Variants in ARID4B observed in about 807,000 individuals in gnomAD.
ARID4B encodes the protein AT-rich interactive domain-containing protein 4B.
A neutral mutation model predicts 147.5 loss-of-function variants in ARID4B; 26 were observed. The observed-to-expected ratio is 0.18, with a 90% CI of 0.13 to 0.24. The LOEUF (loss-of-function observed/expected upper bound fraction) is 0.24. Among genes scored for constraint, ARID4B ranks in the 10% least tolerant of loss-of-function variants. ARID4B has a pLI of 1.00. For synonymous variants in ARID4B, 512 were observed against 507.9 expected (o/e 1.01, Z -0.11); for missense variants, 1,179 against 1,511.5 (o/e 0.78, Z 3.65).
At position 235,260,672 on chromosome 1, in the gene ARID4B, G is replaced by A; in HGVS notation, c.87C>T (p.Ile29=). Residue 29 remains isoleucine, a synonymous_variant, in exon 3 of 24, where the codon ATC becomes ATT. Coordinates refer to ENST00000264183, the MANE Select transcript of ARID4B (RefSeq NM_016374.6). The stretch of plus-strand genomic sequence containing the variant: ...CTTTGACAAGTCTTTTTGCTGTCTT[G>A]ATCTTGGCTTCACAAAAGGCTCCTC... The part of the protein sequence containing the change: ...KYRGAFCEAK[I]KTAKRLVKVK... 1.2e-6 allele frequency: 2 copies of A among 1,611,304 alleles called. No individual in the cohort carries two copies. Among genetic ancestry groups the A allele is most frequent in the Non-Finnish European group, 1.7e-6 (2 of 1,178,986 alleles).
At chr1:235,310,230 T>C (rs910747772) in intron 2 of ARID4B, among the ~76,000 whole-genome samples, 4 of 148,198 alleles carry the variant, frequency 2.7e-5, no homozygotes, top group African/African-American at 1.0e-4. Context: ...TTTCATACCA[T>C]GATACAAGTA....
chr1:235,225,367 C>T (rs1275437884), intron 11 of ARID4B, among the ~76,000 whole-genome samples: 1 of 152,154 alleles, frequency 6.6e-6, no homozygotes, highest in African/African-American at 2.4e-5. Flanking sequence ...TAAAATAGTT[C>T]CCCAATTTAT....
intron 2 of ARID4B, among the ~76,000 whole-genome samples, chr1:235,321,905 C>A (rs531539070): frequency 6.6e-6 from 1 of 151,984 alleles, no homozygotes; most frequent in South Asian, 2.1e-4. Context: ...CCTGGAATTT[C>A]CATCCTTACA....
At chr1:235,209,233 CG>C (rs927081029) in intron 17 of ARID4B, among the ~76,000 whole-genome samples, 5 of 152,074 alleles carry the variant, frequency 3.3e-5, no homozygotes, top group African/African-American at 1.2e-4. Context: ...CCACCACTTA[CG>C]GGGGCAGAGG....
At chr1:235,205,876 G>A (rs1037089595) in intron 17 of ARID4B, among the ~76,000 whole-genome samples, 1 of 152,180 alleles carries the variant, frequency 6.6e-6, no homozygotes, top group Admixed American at 6.5e-5. Context: ...TGACAAGGCT[G>A]CAGAGAACCT....
chr1:235,281,049 A>G (rs1671641324), intron 2 of ARID4B, among the ~76,000 whole-genome samples: 2 of 152,198 alleles, frequency 1.3e-5, no homozygotes, highest in African/African-American at 4.8e-5. Flanking sequence ...TCCTAAGTAA[A>G]CACTCACCAA....
intron 7 of ARID4B, among the ~76,000 whole-genome samples, chr1:235,246,087 G>C (rs1669283237): frequency 6.6e-6 from 1 of 152,158 alleles, no homozygotes; most frequent in South Asian, 2.1e-4. Context: ...TACCAGGAAG[G>C]GAGGCATGGA....
At position 235,184,829 on chromosome 1, in the gene ARID4B, G is replaced by T. The variant is rs114319386; in HGVS notation, c.2126-2036C>A. Among the ~76,000 whole-genome samples the T allele has an allele frequency of 9.9e-4, 150 of 151,724 alleles. 2 individuals carry two copies. Among genetic ancestry groups the T allele is most frequent in the African/African-American group, 3.0e-3 (126 of 41,358 alleles). ...TACTATTTGTTTTATTTATTTTTTT[G>T]TGTGTGTGACGGAATCTCACTCTGT... On this transcript the variant is annotated intron_variant, in intron 19 of 23. Coordinates refer to ENST00000264183, the MANE Select transcript of ARID4B (RefSeq NM_016374.6).
In ARID4B at chr1:235,213,900, T is replaced by G; in HGVS notation, c.1710A>C (p.Pro570=). 1 of 1,614,152 alleles carries G rather than the reference T, an allele frequency of 6.2e-7. No homozygotes were observed. Among genetic ancestry groups the G allele is most frequent in the Non-Finnish European group, 8.5e-7 (1 of 1,180,006 alleles). Residue 570 remains proline (P), a synonymous_variant, in exon 17 of 24, where the codon CCA becomes CCC. Transcript: ENST00000264183. ...NNEEEEFECY[P]PGMKVQVRYG... The stretch of plus-strand genomic sequence containing the variant: ...ACCGCACTTGGACTTTCATGCCTGG[T>G]GGATAGCACTCAAACTCCTCTTCCT...
At chr1:235,205,748 T>G (rs1226318943) in intron 17 of ARID4B, among the ~76,000 whole-genome samples, 1 of 152,096 alleles carries the variant, frequency 6.6e-6, no homozygotes, top group Non-Finnish European at 1.5e-5. Context: ...GATATACAAA[T>G]GGCTAATAAG....
chr1:235,310,570 A>G (rs1288319287), intron 2 of ARID4B, among the ~76,000 whole-genome samples: 3 of 152,390 alleles, frequency 2.0e-5, no homozygotes, highest in East Asian at 1.9e-4. Context: ...AATGTGCCAT[A>G]TAACTGTACG....
chr1:235,307,862 C>T lies in ARID4B; in HGVS notation c.6+19052G>A, dbSNP rs906858942. Among the ~76,000 whole-genome samples, 6 of 151,984 alleles carry T rather than the reference C, an allele frequency of 3.9e-5. No individual in the cohort carries two copies. The East Asian group carries it at 5.8e-4, about 15-fold the overall frequency. The stretch of plus-strand genomic sequence containing the variant: ...TTCCTTTCTTTTAGAGATAGAGTCT[C>T]GCTCTGTCGCCCAGGCTGGAATCTA... On this transcript the variant is annotated intron_variant, in intron 2 of 23. Coordinates refer to ENST00000264183, the MANE Select transcript of ARID4B (RefSeq NM_016374.6).
intron 8 of ARID4B, among the ~76,000 whole-genome samples, chr1:235,238,858 GGAA>G (rs1668796433): frequency 6.8e-6 from 1 of 146,132 alleles, no homozygotes. Context: ...CTGTCTCCGG[GGAA>G]AAAAAAAAAA....
intron 2 of ARID4B, among the ~76,000 whole-genome samples, chr1:235,315,978 G>A (rs1051800046): frequency 1.3e-5 from 2 of 151,948 alleles, no homozygotes; most frequent in Non-Finnish European, 2.9e-5. Flanking sequence ...CTAGGAGTTC[G>A]AGACCAGCCA....
At chr1:235,302,284 GA>G (rs1217614145) in intron 2 of ARID4B, among the ~76,000 whole-genome samples, 8 of 133,454 alleles carry the variant, frequency 6.0e-5, no homozygotes, top group Non-Finnish European at 1.1e-4. Flanking sequence ...GGGGAGGAAG[GA>G]AGGAAGGAAG....
rs186594168 is a variant in ARID4B at position 235,312,726 on chromosome 1, C to T, written c.6+14188G>A. On this transcript the variant is annotated intron_variant, in intron 2 of 23. Coordinates refer to ENST00000264183, the MANE Select transcript of ARID4B (RefSeq NM_016374.6). ...TGGTGGCTCCCACCTGTAATCCTAG[C>T]ACTTTGAGAAGCCAAGGCAGGCGAT... Among the ~76,000 whole-genome samples the T allele has an allele frequency of 2.0e-3, 312 of 152,218 alleles. 2 individuals are homozygous for T. The highest frequency in any genetic ancestry group is 7.2e-3 in the African/African-American group (300 of 41,548).
intron 3 of ARID4B, among the ~76,000 whole-genome samples, chr1:235,258,663 TA>T: frequency 6.6e-6 from 1 of 152,348 alleles, no homozygotes; most frequent in South Asian, 2.1e-4. Context: ...GTATATGTGA[TA>T]ATTATTTTAG....
rs1460365700 is a variant in ARID4B, at chr1:235,166,952, T to A, written c.*1573A>T. The A allele has an allele frequency of 2.2e-5, 4 of 178,672 alleles. No individual in the cohort carries two copies. The highest frequency in any genetic ancestry group is 4.8e-5 in the Non-Finnish European group (4 of 83,020). 11.1% of individuals were successfully genotyped at this position (178,672 alleles called of 1,614,324 possible). On this transcript the variant is annotated 3_prime_UTR_variant, in exon 24 of 24. Coordinates refer to ENST00000264183, the MANE Select transcript of ARID4B (RefSeq NM_016374.6). ...AGAGCCTTTGCTTACATTTGTACAA[T>A]ATATTACATAATTCTTCATTGTTTG...
intron 10 of ARID4B, among the ~76,000 whole-genome samples, 195 bp downstream of exon 10, chr1:235,230,918 C>CA (rs758639309): frequency 0.16 from 18,605 of 114,974 alleles, 2,594 homozygotes; most frequent in African/African-American, 0.4. Context: ...ACTCTGTCTC[C>CA]AAAAAAAAAA....
Sources: gnomAD v4.1 joint callset for allele counts (sites outside exome capture counted in the v4.1 genomes callset) on GRCh38, gnomAD v4.1.1 for gene constraint, MANE v1.5 for transcripts, NCBI Gene and HGNC (gene_info 2026-07-23, HGNC 2026-07-21) for gene names.